VIPR2: variants seen among roughly 807,000 people sequenced by gnomAD.
VIPR2 encodes vasoactive intestinal peptide receptor 2, also known as vasoactive intestinal polypeptide receptor 2.
In VIPR2, 48 loss-of-function variants were observed where a neutral mutation model predicts 58.0. The ratio of observed to expected loss-of-function variants is 0.83; its 90% CI spans 0.66 to 1.05. The LOEUF (loss-of-function observed/expected upper bound fraction) is 1.05, where lower values mean the gene tolerates loss of function less well. VIPR2 is among the 50% of genes least tolerant of loss of function. VIPR2 has a pLI of 0.00. For synonymous variants in VIPR2, 243 were observed against 235.2 expected (o/e 1.03, Z -0.30); for missense variants, 534 against 558.0 (o/e 0.96, Z 0.43).
At chr7:159,074,483 C>A (rs922198675) in intron 4 of VIPR2, among the ~76,000 whole-genome samples, 8 of 152,118 alleles carry the variant, frequency 5.3e-5, no homozygotes, top group African/African-American at 1.9e-4. Flanking sequence ...CTTGTCCCTC[C>A]ACTGTGTGGG....
chr7:159,039,286 C>G (rs1854169125), intron 6 of VIPR2, among the ~76,000 whole-genome samples: 1 of 151,794 alleles, frequency 6.6e-6, no homozygotes, highest in Non-Finnish European at 1.5e-5. Flanking sequence ...TAGTGAAACC[C>G]CATCTCTACT....
At chr7:159,076,857 G>T (rs938035097) in intron 4 of VIPR2, among the ~76,000 whole-genome samples, 1 of 152,164 alleles carries the variant, frequency 6.6e-6, no homozygotes, top group South Asian at 2.1e-4. Flanking sequence ...GTCAATATTA[G>T]TTATAATACA....
At position 159,030,527 on chromosome 7, in the gene VIPR2, G is replaced by A. The variant is rs997850649; in HGVS notation, c.*89C>T. 8 of 1,439,626 alleles carry A rather than the reference G, an allele frequency of 5.6e-6. No individual in the cohort carries two copies. The highest frequency in any genetic ancestry group is 5.1e-4 in the Middle Eastern group (2 of 3,910). 89.2% of individuals were successfully genotyped at this position (1,439,626 alleles called of 1,614,324 possible). A position where few individuals can be genotyped will look rare whatever the true frequency, so the allele number is the denominator to read the frequency against. ...CGCTGACCTGCCCGACACGGTGCTC[G>A]GGCATCTGGAAGGAGGAAGCCGGCG... is the stretch of plus-strand genomic sequence containing the variant. On this transcript the variant is annotated 3_prime_UTR_variant, in exon 13 of 13. Coordinates refer to ENST00000262178, the MANE Select transcript of VIPR2 (RefSeq NM_003382.5).
At position 159,028,468 on chromosome 7, in the gene VIPR2, T is replaced by A. The variant is rs1853356134; in HGVS notation, c.*2148A>T. The A allele has an allele frequency of 6.6e-6, 1 of 152,544 alleles. No homozygotes were observed. Among genetic ancestry groups the A allele is most frequent in the Non-Finnish European group, 1.5e-5 (1 of 68,274 alleles). 9.4% of individuals were successfully genotyped at this position (152,544 alleles called of 1,614,324 possible). On this transcript the variant is annotated 3_prime_UTR_variant, in exon 13 of 13. Coordinates refer to ENST00000262178, the MANE Select transcript of VIPR2 (RefSeq NM_003382.5). ...CCACCGACCATCAACAACCAGTGCC[T>A]GGTAACCACCTGACACGTCCACTCA...
intron 2 of VIPR2, among the ~76,000 whole-genome samples, chr7:159,116,420 T>G (rs1396769359): frequency 6.6e-6 from 1 of 152,112 alleles, no homozygotes; most frequent in African/African-American, 2.4e-5. Flanking sequence ...GCATGGTCAG[T>G]GCATTTGGGA....
At chr7:159,059,414 G>A (rs1855505917) in intron 4 of VIPR2, 1 of 461,160 alleles carries the variant, frequency 2.2e-6, no homozygotes, top group Non-Finnish European at 4.5e-6. Context: ...TTTTATTTTT[G>A]TCAAGAGGCC....
rs117100650 is a variant in VIPR2 at position 159,124,361 on chromosome 7, A to G, written c.152-14442T>C. Among the ~76,000 whole-genome samples the G allele has an allele frequency of 3.3e-4, 50 of 152,262 alleles. 2 individuals carry two copies. In the East Asian group the frequency reaches 9.7e-3, roughly 29 times the overall value. ...AGAGTCCAGCTTCGATCTCCCACAT[A>G]TGACTAGCCAGTTATCCCAGCACCA... On this transcript the variant is annotated intron_variant, in intron 2 of 12. Transcript: ENST00000262178.
At chr7:159,133,531 C>T (rs1238041026) in intron 2 of VIPR2, among the ~76,000 whole-genome samples, 1 of 152,270 alleles carries the variant, frequency 6.6e-6, no homozygotes, top group Admixed American at 6.5e-5. Context: ...CTTTGGCCAT[C>T]CGAACAGGTA....
rs776058603 is a variant in VIPR2 at position 159,030,574 on chromosome 7, G to A, written c.*42C>T. On this transcript the variant is annotated 3_prime_UTR_variant, in exon 13 of 13. Coordinates refer to ENST00000262178, the MANE Select transcript of VIPR2 (RefSeq NM_003382.5). ...GGCGTCTCAGCCCCGCAGAAGCCCC[G>A]AACCGTGGGCCTCCCGCCGCGTCCG... 107 of 1,494,046 alleles carry A rather than the reference G, an allele frequency of 7.2e-5. No individual in the cohort carries two copies. The highest frequency in any genetic ancestry group is 9.1e-5 in the Non-Finnish European group (102 of 1,118,386). 92.5% of individuals were successfully genotyped at this position (1,494,046 alleles called of 1,614,324 possible). A position where few individuals can be genotyped will look rare whatever the true frequency, so the allele number is the denominator to read the frequency against.
chr7:159,052,715 A>G (rs1000286955), intron 5 of VIPR2, among the ~76,000 whole-genome samples: 1 of 152,222 alleles, frequency 6.6e-6, no homozygotes, highest in Non-Finnish European at 1.5e-5. Context: ...GGGTTAATTT[A>G]GGAATGAAAG....
At position 159,030,592 on chromosome 7, in the gene VIPR2, C is replaced by T; in HGVS notation, c.*24G>A. 1 of 1,509,606 alleles carries T rather than the reference C, an allele frequency of 6.6e-7. No individual in the cohort carries two copies. Among genetic ancestry groups the T allele is most frequent in the Non-Finnish European group, 8.9e-7 (1 of 1,125,760 alleles). 93.5% of individuals were successfully genotyped at this position (1,509,606 alleles called of 1,614,324 possible). A position where few individuals can be genotyped will look rare whatever the true frequency, so the allele number is the denominator to read the frequency against. ...AAGCCCCGAACCGTGGGCCTCCCGC[C>T]GCGTCCGACAGGCAGGGGTGGGGCT... On this transcript the variant is annotated 3_prime_UTR_variant, in exon 13 of 13. Coordinates refer to ENST00000262178, the MANE Select transcript of VIPR2 (RefSeq NM_003382.5).
chr7:159,057,188 C>CT (rs1855373787), intron 5 of VIPR2, among the ~76,000 whole-genome samples: 1 of 152,152 alleles, frequency 6.6e-6, no homozygotes, highest in Non-Finnish European at 1.5e-5. Flanking sequence ...AGCTTACTTC[C>CT]TTAAAGTTTT....
intron 5 of VIPR2, among the ~76,000 whole-genome samples, chr7:159,052,864 A>C (rs1855088666): frequency 6.6e-6 from 1 of 152,236 alleles, no homozygotes; most frequent in South Asian, 2.1e-4. Flanking sequence ...AAAACTGGGA[A>C]TTGAGAGAAA....
At chr7:159,038,999 C>T (rs1854149874) in intron 6 of VIPR2, among the ~76,000 whole-genome samples, 1 of 152,186 alleles carries the variant, frequency 6.6e-6, no homozygotes. Flanking sequence ...AGGTGCGCTG[C>T]CCTGGAGTGT....
intron 4 of VIPR2, among the ~76,000 whole-genome samples, chr7:159,071,591 C>T (rs950349721): frequency 6.6e-6 from 1 of 152,158 alleles, no homozygotes; most frequent in Non-Finnish European, 1.5e-5. Flanking sequence ...TTCAATTCAG[C>T]GGTAATGAGT....
At chr7:159,101,433 G>A (rs1169674763) in intron 4 of VIPR2, among the ~76,000 whole-genome samples, 1 of 139,722 alleles carries the variant, frequency 7.2e-6, no homozygotes, top group Non-Finnish European at 1.5e-5. Context: ...ATCCGACGAG[G>A]CGGTTCCGAC....
At chr7:159,092,386 G>A (rs1324480504) in intron 4 of VIPR2, among the ~76,000 whole-genome samples, 5 of 152,200 alleles carry the variant, frequency 3.3e-5, no homozygotes, top group African/African-American at 7.2e-5. Context: ...AGCGACCTGA[G>A]TACCCCATTT....
chr7:159,106,968 C>T (rs1795770182), intron 3 of VIPR2, among the ~76,000 whole-genome samples: 1 of 149,630 alleles, frequency 6.7e-6, no homozygotes, highest in Non-Finnish European at 1.5e-5. Context: ...CAGGGAGGTG[C>T]AGAGAGAGGC....
At chr7:159,143,095 G>C (rs1797539597) in intron 1 of VIPR2, among the ~76,000 whole-genome samples, 1 of 152,256 alleles carries the variant, frequency 6.6e-6, no homozygotes, top group Admixed American at 6.5e-5. Context: ...TGAGGAGGGA[G>C]GCAGAGGTGG....
Sources: allele counts gnomAD v4.1 joint callset (sites outside exome capture counted in the v4.1 genomes callset), GRCh38; gene constraint gnomAD v4.1.1; transcripts MANE v1.5; gene names NCBI Gene and HGNC (gene_info 2026-07-23, HGNC 2026-07-21).